PIP5K1B: variants seen among roughly 807,000 people sequenced by gnomAD.
The protein encoded by PIP5K1B is phosphatidylinositol 4-phosphate 5-kinase type-1 beta.
A neutral mutation model predicts 67.0 loss-of-function variants in PIP5K1B; 42 were observed. The observed-to-expected ratio is 0.63, with a 90% CI of 0.49 to 0.81. The LOEUF (loss-of-function observed/expected upper bound fraction) is 0.81, where lower values mean the gene tolerates loss of function less well. Ranked by LOEUF, PIP5K1B falls within the 30% of genes least tolerant of loss-of-function variation. PIP5K1B has a pLI of 0.00. For missense variants in PIP5K1B, 459 were observed against 646.3 expected, an observed-to-expected ratio of 0.71 and a Z score of 3.14; for synonymous variants, 214 against 231.4, an observed-to-expected ratio of 0.92 and a Z score of 0.68.
At chr9:68,782,532 TCTGA>T (rs1269435598) in intron 2 of PIP5K1B, 1 of 167,032 alleles carries the variant, frequency 6.0e-6, no homozygotes, top group African/African-American at 2.4e-5. Context: ...AGACAAAAGC[TCTGA>T]CTGTTTAAAG....
intron 14 of PIP5K1B, among the ~76,000 whole-genome samples, chr9:68,959,445 C>T (rs576787114): frequency 2.0e-5 from 3 of 152,306 alleles, no homozygotes; most frequent in African/African-American, 4.8e-5. Context: ...CAACCCCATT[C>T]CATTCCCCAC....
intron 5 of PIP5K1B, among the ~76,000 whole-genome samples, chr9:68,867,875 G>A (rs1012473150): frequency 1.3e-5 from 2 of 152,198 alleles, no homozygotes; most frequent in Non-Finnish European, 2.9e-5. Flanking sequence ...ATTACTTGAG[G>A]TACCTTGAGA....
intron 2 of PIP5K1B, among the ~76,000 whole-genome samples, chr9:68,769,094 C>T (rs1416815237): frequency 2.6e-5 from 4 of 152,108 alleles, no homozygotes; most frequent in South Asian, 4.1e-4. Flanking sequence ...CCTATTTCCC[C>T]GTATTATTTT....
intron 14 of PIP5K1B, among the ~76,000 whole-genome samples, chr9:68,965,312 G>A (rs906760897): frequency 4.6e-5 from 7 of 152,166 alleles, no homozygotes; most frequent in Non-Finnish European, 8.8e-5. Context: ...GAAGATGGGG[G>A]CAGAGGGTGT....
At chr9:68,763,515 T>C (rs996591359) in intron 2 of PIP5K1B, among the ~76,000 whole-genome samples, 1 of 152,042 alleles carries the variant, frequency 6.6e-6, no homozygotes, top group South Asian at 2.1e-4. Flanking sequence ...TGATATTACA[T>C]GAGGTTGAAA....
intron 2 of PIP5K1B, among the ~76,000 whole-genome samples, chr9:68,792,731 G>T (rs559725228): frequency 6.6e-6 from 1 of 152,170 alleles, no homozygotes; most frequent in East Asian, 1.9e-4. Context: ...CGCCCGCCTC[G>T]GCCTCCCAAA....
chr9:68,812,338 T>A (rs1833215620), intron 2 of PIP5K1B, among the ~76,000 whole-genome samples: 1 of 152,170 alleles, frequency 6.6e-6, no homozygotes. Context: ...CATAGAACTA[T>A]AGAAAGCTAT....
chr9:68,780,096 C>CATTAACAAA, intron 2 of PIP5K1B: 3 of 1,430,486 alleles, frequency 2.1e-6, no homozygotes, highest in Non-Finnish European at 2.7e-6. Context: ...GCGGCGGCGG[C>CATTAACAAA]CCTGGACTGC....
At chr9:68,817,172 C>A (rs1214991186) in intron 2 of PIP5K1B, among the ~76,000 whole-genome samples, 56 of 152,106 alleles carry the variant, frequency 3.7e-4, no homozygotes, top group Non-Finnish European at 7.4e-5. Flanking sequence ...TGAGAGAAGG[C>A]GAATTAAAAC....
intron 1 of PIP5K1B, chr9:68,739,953 C>A (rs1319216817): frequency 6.6e-6 from 1 of 152,188 alleles, no homozygotes; most frequent in Non-Finnish European, 1.5e-5. Flanking sequence ...AACAAGCTAC[C>A]CATTGTGGCT....
rs1827997795 is a variant in PIP5K1B, at chr9:68,723,621, G to A, written c.-243+17859G>A. On this transcript the variant is annotated intron_variant, in intron 1 of 15. Transcript: ENST00000265382. ...ATGTTGAGCATTTTTTCATATACCT[G>A]TTAGCCATTTGTATGTCTTCTTTTG... Among the ~76,000 whole-genome samples, 3 of 144,944 alleles carry A rather than the reference G, an allele frequency of 2.1e-5. No homozygotes were observed. In the South Asian group the frequency reaches 6.6e-4, roughly 32 times the overall value.
chr9:68,903,829 T>TA (rs1421772056), intron 8 of PIP5K1B, among the ~76,000 whole-genome samples: 11 of 152,230 alleles, frequency 7.2e-5, no homozygotes, highest in Non-Finnish European at 1.5e-5. Context: ...AACCTATAGA[T>TA]ACCAAAGTAA....
chr9:68,807,376 A>G (rs1188089526), intron 2 of PIP5K1B, among the ~76,000 whole-genome samples: 1 of 152,166 alleles, frequency 6.6e-6, no homozygotes, highest in East Asian at 1.9e-4. Flanking sequence ...TTTCCTTTGG[A>G]CAAAATTTGT....
intron 2 of PIP5K1B, among the ~76,000 whole-genome samples, chr9:68,748,613 C>CTTTTTT (rs58954806): frequency 0.012 from 1,142 of 98,174 alleles, 2 homozygotes; most frequent in African/African-American, 0.02. Context: ...GATTTCTTTT[C>CTTTTTT]TTTTTTTTTT....
At chr9:68,886,057 G>C (rs1222778412) in intron 6 of PIP5K1B, among the ~76,000 whole-genome samples, 1 of 151,956 alleles carries the variant, frequency 6.6e-6, no homozygotes, top group Non-Finnish European at 1.5e-5. Context: ...GTGGGCGCCT[G>C]TATCCCAGCT....
At chr9:68,969,385 A>AAC (rs1829233583) in intron 14 of PIP5K1B, among the ~76,000 whole-genome samples, 1 of 148,222 alleles carries the variant, frequency 6.7e-6, no homozygotes. Flanking sequence ...AAAAAAAAAA[A>AAC]AAAACTGTAA....
At position 68,899,153 on chromosome 9, in the gene PIP5K1B, G is replaced by A. The variant is rs1490020762; in HGVS notation, c.771+4515G>A. Among the ~76,000 whole-genome samples, 3 of 151,990 alleles carry A rather than the reference G, an allele frequency of 2.0e-5. No individual in the cohort carries two copies. In the South Asian group the frequency reaches 6.2e-4, roughly 32 times the overall value. On this transcript the variant is annotated intron_variant, in intron 8 of 15. Coordinates refer to ENST00000265382, the MANE Select transcript of PIP5K1B (RefSeq NM_003558.4). ...CTGGCCACATTCTCTAAAGGTTTTG[G>A]TTTTTTTATGCATGCCTCACTCTGC...
chr9:68,986,215 A>C (rs1007766296), intron 14 of PIP5K1B, among the ~76,000 whole-genome samples: 2 of 152,238 alleles, frequency 1.3e-5, no homozygotes, highest in Non-Finnish European at 2.9e-5. Flanking sequence ...TCAGCAGTGT[A>C]TGAGGGCTTC....
intron 14 of PIP5K1B, 58 bp from the exon 15 acceptor site, chr9:68,991,082 G>T (rs141479341): frequency 2.1e-6 from 2 of 949,456 alleles, no homozygotes; most frequent in African/African-American, 3.2e-5. Context: ...GACTTTGGAG[G>T]TGTCTTTAGA....
Sources: allele counts gnomAD v4.1 joint callset (sites outside exome capture counted in the v4.1 genomes callset), GRCh38; gene constraint gnomAD v4.1.1; transcripts MANE v1.5; gene names NCBI Gene and HGNC (gene_info 2026-07-23, HGNC 2026-07-21).